COL6A3: variants seen among roughly 807,000 people sequenced by gnomAD.
The protein encoded by COL6A3 is collagen alpha-3(VI) chain.
Under a neutral mutation model 274.1 loss-of-function variants are expected in COL6A3, and 137 were observed. The ratio of observed to expected loss-of-function variants is 0.50; its 90% CI spans 0.44 to 0.58. COL6A3 has a LOEUF of 0.58. Among genes scored for constraint, COL6A3 ranks in the 20% least tolerant of loss-of-function variants. The pLI, the probability that COL6A3 is intolerant of heterozygous loss-of-function variation, is 0.00. For synonymous variants in COL6A3, 1,650 were observed against 1,650.6 expected (o/e 1.00, Z 0.01); for missense variants, 3,950 against 4,124.9 (o/e 0.96, Z 1.16).
chr2:237,406,130 C>A (rs2078713529), intron 1 of COL6A3, among the ~76,000 whole-genome samples: 2 of 152,158 alleles, frequency 1.3e-5, no homozygotes, highest in African/African-American at 4.8e-5. Context: ...GGATACCTTT[C>A]ATCAGAAAGA....
rs553006403 is a variant in COL6A3 at position 237,361,338 on chromosome 2, A to C, written c.6157-164T>G. On this transcript the variant is annotated intron_variant, in intron 15 of 43. Transcript: ENST00000295550. This position sits in a 1 kb window ranked among gnomAD's most constrained non-coding sequence, Gnocchi z 5.1. ...AGTACACCATGTCACGATTCTCTCT[A>C]TCAGGATCTCTAAGGCTCCTGCTCT... Among the ~76,000 whole-genome samples, 1 of 152,144 alleles carries C rather than the reference A, an allele frequency of 6.6e-6. No homozygotes were observed. Among genetic ancestry groups the C allele is most frequent in the Non-Finnish European group, 1.5e-5 (1 of 68,032 alleles).
At chr2:237,346,639 T>A in intron 31 of COL6A3, 74 bp from the exon 32 acceptor site, 1 of 1,409,044 alleles carries the variant, frequency 7.1e-7, no homozygotes, top group Non-Finnish European at 1.0e-6. Context: ...AGTTGGAAGG[T>A]ACGGTAAAAG....
In COL6A3 at chr2:237,368,575, G is replaced by A. The variant is rs145560772; in HGVS notation, c.4888C>T (p.Pro1630Ser). 8.3e-5 allele frequency: 134 copies of A among 1,614,152 alleles called. No homozygotes were observed. The African/African-American group carries it at 1.6e-3, about 19-fold the overall frequency. ...PAPPGVDTPP[P>S]SRPEKKKADI... ...ACACGGTGCATACCTGGCCGTGAAG[G>A]AGGAGGGGTGTCCACCCCTGGAGGT... The change falls in exon 10 of 44, where the codon CCT becomes TCT. Residue 1630 changes from proline (P) to serine (S), a missense_variant. This residue lies in a region of COL6A3 where 632 missense variants were observed against 623.4 expected (regional missense o/e 1.01). Coordinates refer to ENST00000295550, the MANE Select transcript of COL6A3 (RefSeq NM_004369.4). The surrounding 1 kb of genome is among the most constrained non-coding windows in gnomAD (Gnocchi z 4.4).
At chr2:237,379,357 G>T in intron 5 of COL6A3, 122 bp from the exon 6 acceptor site, 1 of 1,221,684 alleles carries the variant, frequency 8.2e-7, no homozygotes, top group Non-Finnish European at 1.2e-6. Context: ...GCATGGCAAA[G>T]CATGTCCATC....
At chr2:237,380,126 G>A (rs2077964722) in intron 5 of COL6A3, among the ~76,000 whole-genome samples, 1 of 152,044 alleles carries the variant, frequency 6.6e-6, no homozygotes, top group South Asian at 2.1e-4. Flanking sequence ...AATTTTAAAA[G>A]AGAGAGAAAG....
Position 237,371,791 on chromosome 2 carries a change from G to C in COL6A3, c.4226C>G (p.Thr1409Arg). ...SLEQKLLTPI[T>R]TLTSEQIQKL... ...CTGGATCTGCTCTGAGGTCAGGGTC[G>C]TGATGGGCGTCAGCAGTTTCTGCTC... Residue 1409 changes from threonine (T) to arginine (R), a missense_variant, in exon 9 of 44, where the codon ACG becomes AGG. Thr to Arg is a moderately conservative substitution (Grantham distance 71). Around this residue, in one of 5 missense-constraint regions of COL6A3, gnomAD observed 1,934 missense variants for 1,984.3 expected, o/e 0.97. Transcript: ENST00000295550. This position sits in a 1 kb window ranked among gnomAD's most constrained non-coding sequence, Gnocchi z 4.3. The C allele has an allele frequency of 6.2e-7, 1 of 1,613,884 alleles. No homozygotes were observed.
rs1443329063 is a variant in COL6A3 at position 237,324,717 on chromosome 2, G to A, written c.*57C>T. ...ACACCCGGAGCTTCTACAGAGACAA[G>A]TTGGCGATGGCTGACTCCTTCTTCT... is the stretch of plus-strand genomic sequence containing the variant. On this transcript the variant is annotated 3_prime_UTR_variant, in exon 44 of 44. Coordinates refer to ENST00000295550, the MANE Select transcript of COL6A3 (RefSeq NM_004369.4). 4.5e-6 allele frequency: 7 copies of A among 1,557,028 alleles called. No homozygotes were observed.
Position 237,324,707 on chromosome 2 carries a change from AC to A in COL6A3, c.*66del. On this transcript the variant is annotated 3_prime_UTR_variant, in exon 44 of 44. Coordinates refer to ENST00000295550, the MANE Select transcript of COL6A3 (RefSeq NM_004369.4). The stretch of plus-strand genomic sequence containing the variant: ...AAGGGAATCTACACCCGGAGCTTCT[AC>A]AGAGACAAGTTGGCGATGGCTGACT... 1 of 1,496,692 alleles carries A rather than the reference AC, an allele frequency of 6.7e-7. No homozygotes were observed. Among genetic ancestry groups the A allele is most frequent in the Non-Finnish European group, 9.3e-7 (1 of 1,074,164 alleles). 92.7% of individuals were successfully genotyped at this position (1,496,692 alleles called of 1,614,324 possible). A position where few individuals can be genotyped will look rare whatever the true frequency, so the allele number is the denominator to read the frequency against.
At chr2:237,349,789 A>G (rs2077168338) in intron 28 of COL6A3, among the ~76,000 whole-genome samples, 1 of 152,212 alleles carries the variant, frequency 6.6e-6, no homozygotes, top group Non-Finnish European at 1.5e-5. Context: ...TTCCATTTTA[A>G]CCCAAATGAC....
intron 26 of COL6A3, among the ~76,000 whole-genome samples, chr2:237,352,302 T>G (rs1489509318): frequency 6.6e-6 from 1 of 152,302 alleles, no homozygotes; most frequent in East Asian, 1.9e-4. Context: ...AATTGAGACT[T>G]AGAGGCCCAT....
Position 237,340,442 on chromosome 2 carries a change from C to T in COL6A3, c.8464+10G>A, listed in dbSNP as rs2106319243. The T allele has an allele frequency of 1.9e-6, 3 of 1,610,682 alleles. No individual in the cohort carries two copies. The highest frequency in any genetic ancestry group is 1.7e-6 in the Non-Finnish European group (2 of 1,179,852). ...AGGCCAGGGCACATGCTGTGCCACGCAGGACTTACTGCTGACGAAGGATGG... is the reference window on the plus strand; with the variant it reads ...AGGCCAGGGCACATGCTGTGCCACGTAGGACTTACTGCTGACGAAGGATGG... On this transcript the variant is annotated intron_variant, in intron 38 of 43. Transcript: ENST00000295550.
At chr2:237,390,278 A>G (rs2078253839) in intron 3 of COL6A3, among the ~76,000 whole-genome samples, 1 of 152,228 alleles carries the variant, frequency 6.6e-6, no homozygotes, top group South Asian at 2.1e-4. Context: ...CTGAGGGAAA[A>G]TCCTTGAACA....
In COL6A3 at chr2:237,404,315, G is replaced by A. The variant is rs1020897876; in HGVS notation, c.-30-7468C>T. On this transcript the variant is annotated intron_variant, in intron 1 of 43. Transcript: ENST00000295550. Reference sequence around the variant, plus strand: ...GAGATAAGGGTCCATGTTTGTATGTGATTCTAAAAGGCAGTTGTGCCACTC... The same window carrying A: ...GAGATAAGGGTCCATGTTTGTATGTAATTCTAAAAGGCAGTTGTGCCACTC... 3.3e-5 allele frequency among the ~76,000 whole-genome samples: 5 copies of A among 152,236 alleles called. No homozygotes were observed. In the East Asian group the frequency reaches 7.7e-4, roughly 24 times the overall value.
Position 237,352,725 on chromosome 2 carries a change from G to A in COL6A3, c.6691-141C>T. ...GGCCACCAAAACCCACAATTATCCT[G>A]TCTTAGCTGCAGTAGCAGCTGCCTC... On this transcript the variant is annotated intron_variant, in intron 25 of 43. Coordinates refer to ENST00000295550, the MANE Select transcript of COL6A3 (RefSeq NM_004369.4). 3 of 756,354 alleles carry A rather than the reference G, an allele frequency of 4.0e-6. 1 individual carries two copies. In the South Asian group the frequency reaches 4.4e-5, roughly 11 times the overall value. 46.9% of individuals were successfully genotyped at this position (756,354 alleles called of 1,614,324 possible).
Position 237,357,405 on chromosome 2 carries a change from A to T in COL6A3, c.6538-14T>A. ...CCCTGGGACACCCTGGTGTGGGGAA[A>T]ATTAGCATGAGATTCTCATCTGCAG... On this transcript the variant is annotated splice_polypyrimidine_tract_variant and intron_variant, in intron 22 of 43. Coordinates refer to ENST00000295550, the MANE Select transcript of COL6A3 (RefSeq NM_004369.4). The T allele has an allele frequency of 6.2e-7, 1 of 1,609,508 alleles. No individual in the cohort carries two copies. Among genetic ancestry groups the T allele is most frequent in the Admixed American group, 1.7e-5 (1 of 60,018 alleles).
chr2:237,365,975 G>A lies in COL6A3; in HGVS notation c.5561C>T (p.Ala1854Val), dbSNP rs1559235169. ...DGSRDQNVFV[A>V]QKGFESKVDA... Reference sequence around the variant, plus strand: ...CACCTTGGACTCGAAGCCCTTCTGGGCCACAAAAACATTCTGGTCTCTAGA... The same window carrying A: ...CACCTTGGACTCGAAGCCCTTCTGGACCACAAAAACATTCTGGTCTCTAGA... The change falls in exon 12 of 44, where the codon GCC (alanine) becomes GTC (valine). Residue 1854 changes from alanine to valine, a missense_variant. Around this residue, in one of 5 missense-constraint regions of COL6A3, gnomAD observed 632 missense variants for 623.4 expected, o/e 1.01. Transcript: ENST00000295550. The A allele has an allele frequency of 1.9e-6, 3 of 1,614,010 alleles. No individual in the cohort carries two copies. Among genetic ancestry groups the A allele is most frequent in the Non-Finnish European group, 2.5e-6 (3 of 1,180,030 alleles).
chr2:237,332,963 C>G (rs537995394), intron 42 of COL6A3: 2 of 223,440 alleles, frequency 9.0e-6, no homozygotes, highest in African/African-American at 4.5e-5. Flanking sequence ...GTATCACAGA[C>G]TCACACACTA....
intron 1 of COL6A3, among the ~76,000 whole-genome samples, chr2:237,402,981 T>A (rs1170340390): frequency 6.6e-6 from 1 of 152,208 alleles, no homozygotes; most frequent in Admixed American, 6.5e-5. Flanking sequence ...TGAAGATTGA[T>A]AGCAGAGGAG....
At chr2:237,370,808 T>C (rs2077668452) in intron 9 of COL6A3, among the ~76,000 whole-genome samples, 3 of 152,150 alleles carry the variant, frequency 2.0e-5, no homozygotes, top group South Asian at 2.1e-4. Context: ...CCAGCACACA[T>C]GGCCTTGGGG....
Sources: allele counts gnomAD v4.1 joint callset (sites outside exome capture counted in the v4.1 genomes callset), GRCh38; gene constraint gnomAD v4.1.1; regional missense constraint gnomAD v4.1.1; non-coding constraint Gnocchi (gnomAD v3.1); transcripts MANE v1.5; gene names NCBI Gene and HGNC (gene_info 2026-07-23, HGNC 2026-07-21).